The following USP54 variants were observed in gnomAD, a reference collection of about 807,000 sequenced individuals.
The protein encoded by USP54 is ubiquitin specific peptidase 54, also known as ubiquitin carboxyl-terminal hydrolase 54.
Under a neutral mutation model 170.5 loss-of-function variants are expected in USP54, and 87 were observed. That is an observed-to-expected ratio of 0.51 (90% CI 0.43 to 0.61). USP54 has a LOEUF of 0.61. USP54 is among the 20% of genes least tolerant of loss of function. The pLI is 0.00. For synonymous variants in USP54, 655 were observed against 742.8 expected, an observed-to-expected ratio of 0.88 and a Z score of 1.92; for missense variants, 1,786 against 2,047.8, an observed-to-expected ratio of 0.87 and a Z score of 2.47.
chr10:73,568,835 C>T (rs1012421127), intron 4 of USP54, among the ~76,000 whole-genome samples: 8 of 152,196 alleles, frequency 5.3e-5, no homozygotes, highest in Non-Finnish European at 1.0e-4. Context: ...CTCAGCCCAA[C>T]AAATTGACAA....
Position 73,542,957 on chromosome 10 carries a change from C to T in USP54, c.489+61G>A, listed in dbSNP as rs185510901. The T allele has an allele frequency of 3.5e-5, 57 of 1,608,818 alleles. No homozygotes were observed. The Admixed American group carries it at 4.5e-4, about 13-fold the overall frequency. On this transcript the variant is annotated intron_variant, in intron 6 of 23. Transcript: ENST00000687698. The stretch of plus-strand genomic sequence containing the variant: ...CTGTTTTGGCACCCATTTAACACCC[C>T]ACATCCCAGGATAAAGTGTTCTGGA...
intron 1 of USP54, among the ~76,000 whole-genome samples, chr10:73,605,039 A>G (rs888917472): frequency 1.3e-5 from 2 of 152,034 alleles, no homozygotes; most frequent in Non-Finnish European, 2.9e-5. Flanking sequence ...TGATGCATTT[A>G]CAATCCTTTA....
chr10:73,580,021 T>G (rs1416854023), intron 1 of USP54, among the ~76,000 whole-genome samples: 2 of 152,094 alleles, frequency 1.3e-5, no homozygotes, highest in African/African-American at 4.8e-5. Context: ...TCTCCTACAT[T>G]GTTTATGGAA....
At chr10:73,571,603 T>C (rs1313435304) in intron 3 of USP54, 90 bp from the exon 4 acceptor site, 1 of 925,280 alleles carries the variant, frequency 1.1e-6, no homozygotes, top group African/African-American at 1.7e-5. Context: ...AGGTAATGAC[T>C]GCAGAAGATG....
rs192597790 is a variant in USP54, at chr10:73,598,039, C to T, written c.-17-22364G>A. 2.0e-3 allele frequency among the ~76,000 whole-genome samples: 284 copies of T among 142,428 alleles called. 2 individuals carry two copies. The highest frequency in any genetic ancestry group is 6.9e-3 in the African/African-American group (274 of 39,618). The allele number at this position is 142,428 out of a possible 152,430, so 93.4% of individuals were successfully genotyped here. On this transcript the variant is annotated intron_variant, in intron 1 of 22. Coordinates refer to the USP54 transcript ENST00000339859. ...GGCAGAGGTTGCAGTGAGCCGAGATCACGCCACTGCACTCCAGCCTGGGCA... is the reference window on the plus strand; with the variant it reads ...GGCAGAGGTTGCAGTGAGCCGAGATTACGCCACTGCACTCCAGCCTGGGCA...
intron 4 of USP54, among the ~76,000 whole-genome samples, chr10:73,556,183 T>C (rs1262007436): frequency 6.6e-6 from 1 of 152,152 alleles, no homozygotes; most frequent in Non-Finnish European, 1.5e-5. Context: ...GGGAATATAC[T>C]AGAAATCTAA....
At chr10:73,554,672 A>G (rs1368886195) in intron 4 of USP54, among the ~76,000 whole-genome samples, 1 of 152,228 alleles carries the variant, frequency 6.6e-6, no homozygotes, top group Non-Finnish European at 1.5e-5. Flanking sequence ...TTATCATTCA[A>G]CTTCAACAAT....
intron 1 of USP54, among the ~76,000 whole-genome samples, chr10:73,581,711 G>A (rs1026201075): frequency 6.6e-6 from 1 of 152,022 alleles, no homozygotes; most frequent in African/African-American, 2.4e-5. Context: ...TAATAAATTT[G>A]TATTTTATTA....
intron 4 of USP54, among the ~76,000 whole-genome samples, chr10:73,551,444 C>T (rs2069330029): frequency 6.6e-6 from 1 of 152,150 alleles, no homozygotes; most frequent in Non-Finnish European, 1.5e-5. Flanking sequence ...ACCTCTTAAA[C>T]TAGACCAAAA....
At chr10:73,615,654 C>T (rs760541438) in intron 1 of USP54, among the ~76,000 whole-genome samples, 4 of 150,390 alleles carry the variant, frequency 2.7e-5, no homozygotes, top group Admixed American at 6.6e-5. Flanking sequence ...GGCATAGTGG[C>T]TCACACCTGT....
intron 20 of USP54, among the ~76,000 whole-genome samples, chr10:73,507,861 T>C (rs540198944): frequency 1.3e-5 from 2 of 150,384 alleles, no homozygotes; most frequent in South Asian, 4.2e-4. Context: ...ATTAGCCAGG[T>C]ATGGTGGTGC....
chr10:73,598,780 CGT>C (rs2078942622), intron 1 of USP54, among the ~76,000 whole-genome samples: 1 of 152,124 alleles, frequency 6.6e-6, no homozygotes, highest in South Asian at 2.1e-4. Flanking sequence ...ATTAGCTGGG[CGT>C]GGCAGCGTGC....
chr10:73,520,812 A>G, intron 18 of USP54, 96 bp downstream of exon 18: 1 of 1,562,142 alleles, frequency 6.4e-7, no homozygotes, highest in Non-Finnish European at 8.7e-7. Flanking sequence ...GAGGAGACAC[A>G]AAAACTGTTT....
At position 73,500,543 on chromosome 10, in the gene USP54, C is replaced by T. The variant is rs2057886445; in HGVS notation, c.4495+112G>A. Reference sequence around the variant, plus strand: ...TTTGAAGCAGTAATTCATATCTTCACACCACTCCACCTTGGGATACCCCCC... The same window carrying T: ...TTTGAAGCAGTAATTCATATCTTCATACCACTCCACCTTGGGATACCCCCC... On this transcript the variant is annotated intron_variant, in intron 23 of 23. Coordinates refer to ENST00000687698, the MANE Select transcript of USP54 (RefSeq NM_001391956.1). 3 of 1,008,466 alleles carry T rather than the reference C, an allele frequency of 3.0e-6. No homozygotes were observed. In the South Asian group the frequency reaches 5.3e-5, roughly 18 times the overall value. 62.5% of individuals were successfully genotyped at this position (1,008,466 alleles called of 1,614,324 possible).
At position 73,545,518 on chromosome 10, in the gene USP54, G is replaced by A. The variant is rs753589937; in HGVS notation, c.375+20C>T. ...AGCAGTCCCACCCCATATCAAAGAG[G>A]GCCAGAGGCCAGCACTTACAAAGCA... On this transcript the variant is annotated intron_variant, in intron 5 of 23. Transcript: ENST00000687698. 5.6e-6 allele frequency: 9 copies of A among 1,613,502 alleles called. No individual in the cohort carries two copies. The highest frequency in any genetic ancestry group is 1.7e-5 in the Admixed American group (1 of 59,994).
At chr10:73,613,112 G>A (rs976231247) in intron 1 of USP54, among the ~76,000 whole-genome samples, 19 of 150,708 alleles carry the variant, frequency 1.3e-4, no homozygotes, top group African/African-American at 4.1e-4. Flanking sequence ...AGTGGTGACC[G>A]TGCTACTGCA....
chr10:73,602,982 G>A (rs556217445), intron 1 of USP54, among the ~76,000 whole-genome samples: 1 of 151,890 alleles, frequency 6.6e-6, no homozygotes, highest in Admixed American at 6.6e-5. Context: ...AAGTATCTCT[G>A]ATAGGGTGCT....
rs186100369 is a variant in USP54, at chr10:73,539,065, G to C, written c.975+379C>G. 9.2e-3 allele frequency among the ~76,000 whole-genome samples: 1,405 copies of C among 152,010 alleles called. 12 individuals are homozygous for C. Among genetic ancestry groups the C allele is most frequent in the South Asian group, 0.05 (238 of 4,798 alleles). The stretch of plus-strand genomic sequence containing the variant: ...GGAGGCTGAGGTAGGCGGATCACAA[G>C]GTCAGGAGTTCGAGACCAGCCTGGC... On this transcript the variant is annotated intron_variant, in intron 10 of 23. Coordinates refer to ENST00000687698, the MANE Select transcript of USP54 (RefSeq NM_001391956.1).
intron 4 of USP54, among the ~76,000 whole-genome samples, chr10:73,556,670 C>T (rs765086373): frequency 5.4e-4 from 82 of 152,066 alleles, no homozygotes; most frequent in Non-Finnish European, 9.4e-4. Context: ...TCATTTTATT[C>T]TCTGTGCTTA....
Sources: gnomAD v4.1 joint callset for allele counts (sites outside exome capture counted in the v4.1 genomes callset) on GRCh38, gnomAD v4.1.1 for gene constraint, MANE v1.5 for transcripts, NCBI Gene and HGNC (gene_info 2026-07-23, HGNC 2026-07-21) for gene names.